The following MALRD1 variants were observed in gnomAD, a reference collection of about 807,000 sequenced individuals.
The protein encoded by MALRD1 is MAM and LDL receptor class A domain containing 1, also known as MAM and LDL-receptor class A domain-containing protein 1.
Under a neutral mutation model 242.1 loss-of-function variants are expected in MALRD1, and 247 were observed. That is an observed-to-expected ratio of 1.02 (90% CI 0.92 to 1.13). The LOEUF (loss-of-function observed/expected upper bound fraction) is 1.13. MALRD1 is among the 50% of genes most tolerant of loss of function. The pLI, the probability that MALRD1 is intolerant of heterozygous loss-of-function variation, is 0.00. For synonymous variants in MALRD1, 995 were observed against 866.6 expected (o/e 1.15, Z -2.60); for missense variants, 2,989 against 2,533.1 (o/e 1.18, Z -3.86).
chr10:19,176,278 A>G (rs1020676138), intron 14 of MALRD1, among the ~76,000 whole-genome samples: 19 of 150,512 alleles, frequency 1.3e-4, no homozygotes, highest in Non-Finnish European at 2.1e-4. Flanking sequence ...GGGTCACATG[A>G]TTCTGGATTG....
At chr10:19,398,295 A>C (rs1846677395) in intron 28 of MALRD1, among the ~76,000 whole-genome samples, 1 of 152,178 alleles carries the variant, frequency 6.6e-6, no homozygotes, top group Non-Finnish European at 1.5e-5. Flanking sequence ...TTATAGCAAT[A>C]GCTGCATTTA....
chr10:19,416,483 G>C (rs1833517293), intron 28 of MALRD1, among the ~76,000 whole-genome samples: 1 of 151,964 alleles, frequency 6.6e-6, no homozygotes, highest in African/African-American at 2.4e-5. Flanking sequence ...ATTGATGTGA[G>C]TTCTAACCCT....
At chr10:19,690,005 C>T (rs933001039) in intron 36 of MALRD1, among the ~76,000 whole-genome samples, 20 of 151,886 alleles carry the variant, frequency 1.3e-4, no homozygotes, top group Non-Finnish European at 7.4e-5. Context: ...TAAATTATCT[C>T]GAAAACATGT....
chr10:19,324,246 A>C lies in MALRD1; in HGVS notation c.3576+141A>C, dbSNP rs1250970101. The C allele has an allele frequency of 5.0e-6, 4 of 797,660 alleles. No homozygotes were observed. The East Asian group carries it at 1.1e-4, about 23-fold the overall frequency. 49.4% of individuals were successfully genotyped at this position (797,660 alleles called of 1,614,324 possible). The stretch of plus-strand genomic sequence containing the variant: ...TCACTAGATTTATAGTGGTATATGG[A>C]GTAAAAGCTTTAGCAGAATTGGACA... On this transcript the variant is annotated intron_variant, in intron 22 of 39. Coordinates refer to ENST00000454679, the MANE Select transcript of MALRD1 (RefSeq NM_001142308.3).
chr10:19,270,814 A>ACACG (rs1840194330), intron 19 of MALRD1, among the ~76,000 whole-genome samples: 1 of 149,018 alleles, frequency 6.7e-6, no homozygotes, highest in African/African-American at 2.5e-5. Context: ...GATAACACAC[A>ACACG]CACACACACA....
intron 32 of MALRD1, among the ~76,000 whole-genome samples, chr10:19,538,037 A>G (rs1834766790): frequency 6.6e-6 from 1 of 152,238 alleles, no homozygotes. Context: ...AATTTTCTAA[A>G]TAAAGCATAT....
intron 1 of MALRD1, among the ~76,000 whole-genome samples, chr10:19,058,638 A>G (rs367966671): frequency 5.1e-4 from 78 of 152,258 alleles, no homozygotes; most frequent in South Asian, 2.7e-3. Flanking sequence ...TCTGCAATAT[A>G]GCACACCAAT....
intron 35 of MALRD1, among the ~76,000 whole-genome samples, chr10:19,614,299 A>G (rs1415197517): frequency 6.6e-6 from 1 of 152,042 alleles, no homozygotes; most frequent in Non-Finnish European, 1.5e-5. Flanking sequence ...GAACAACTAT[A>G]CTAAGATGTC....
chr10:19,560,661 C>T (rs149375087), intron 32 of MALRD1, among the ~76,000 whole-genome samples: 2,939 of 152,048 alleles, frequency 0.019, 43 homozygotes, highest in Non-Finnish European at 0.029. Flanking sequence ...TGTCTTTTGC[C>T]GGGACATGGA....
intron 10 of MALRD1, among the ~76,000 whole-genome samples, chr10:19,143,027 G>A (rs1478688531): frequency 6.6e-6 from 1 of 152,218 alleles, no homozygotes; most frequent in Non-Finnish European, 1.5e-5. Flanking sequence ...TACAGAGGTG[G>A]TTGCACCATG....
At chr10:19,052,162 CT>C (rs1261868417) in intron 1 of MALRD1, 1 of 429,308 alleles carries the variant, frequency 2.3e-6, no homozygotes, top group Non-Finnish European at 4.5e-6. Context: ...CTAATGATGT[CT>C]AAAGAAAATA....
intron 28 of MALRD1, among the ~76,000 whole-genome samples, chr10:19,425,079 A>G (rs1255492348): frequency 6.6e-6 from 1 of 152,178 alleles, no homozygotes; most frequent in Non-Finnish European, 1.5e-5. Context: ...ATATTTAATC[A>G]GATCATTAAA....
intron 33 of MALRD1, among the ~76,000 whole-genome samples, chr10:19,585,393 C>G (rs1391101780): frequency 6.6e-6 from 1 of 151,964 alleles, no homozygotes; most frequent in Non-Finnish European, 1.5e-5. Context: ...TTAGCGCTTC[C>G]TTCAGGAGCT....
intron 21 of MALRD1, among the ~76,000 whole-genome samples, chr10:19,283,705 G>T (rs916960856): frequency 2.0e-5 from 3 of 152,106 alleles, no homozygotes; most frequent in African/African-American, 4.8e-5. Flanking sequence ...AATAAATCAT[G>T]CCATTAAATA....
chr10:19,120,457 G>A (rs1191119052), intron 5 of MALRD1, among the ~76,000 whole-genome samples: 2 of 152,098 alleles, frequency 1.3e-5, no homozygotes, highest in Admixed American at 6.5e-5. Context: ...AAACAAATAA[G>A]GAATAATATA....
chr10:19,352,957 C>A (rs1844459869), intron 26 of MALRD1, among the ~76,000 whole-genome samples: 1 of 151,994 alleles, frequency 6.6e-6, no homozygotes, highest in Non-Finnish European at 1.5e-5. Context: ...ATTAACGAGA[C>A]AAAGGAGTAA....
At chr10:19,366,517 G>A (rs148213135) in intron 26 of MALRD1, among the ~76,000 whole-genome samples, 76 of 152,218 alleles carry the variant, frequency 5.0e-4, no homozygotes, top group African/African-American at 1.7e-3. Flanking sequence ...GTGGCCCAGG[G>A]TTTGGAGACC....
At chr10:19,645,645 A>T (rs933111992) in intron 36 of MALRD1, among the ~76,000 whole-genome samples, 3 of 151,928 alleles carry the variant, frequency 2.0e-5, no homozygotes, top group Non-Finnish European at 4.4e-5. Context: ...ACCAAACACC[A>T]CATATTCTCA....
chr10:19,120,531 C>T (rs1837024223), intron 5 of MALRD1, among the ~76,000 whole-genome samples: 2 of 152,092 alleles, frequency 1.3e-5, no homozygotes, highest in South Asian at 2.1e-4. Flanking sequence ...GAACCAAGCA[C>T]AAAGGCTACA....
Sources: allele counts gnomAD v4.1 joint callset (sites outside exome capture counted in the v4.1 genomes callset), GRCh38; gene constraint gnomAD v4.1.1; transcripts MANE v1.5; gene names NCBI Gene and HGNC (gene_info 2026-07-23, HGNC 2026-07-21).